The following GIN1 variants were observed in gnomAD, a reference collection of about 807,000 sequenced individuals.
GIN1 encodes the protein gypsy retrotransposon integrase-like protein 1.
A neutral mutation model predicts 51.4 loss-of-function variants in GIN1; 41 were observed. The observed-to-expected ratio is 0.80, with a 90% CI of 0.62 to 1.04. GIN1 has a LOEUF of 1.04. Among genes scored for constraint, GIN1 ranks in the 50% least tolerant of loss-of-function variants. GIN1 has a pLI of 0.00. For missense variants in GIN1, 610 were observed against 612.4 expected (o/e 1.00, Z 0.04); for synonymous variants, 222 against 206.5 (o/e 1.07, Z -0.64).
At chr5:103,095,126 T>C (rs1787356103) in intron 7 of GIN1, among the ~76,000 whole-genome samples, 1 of 152,236 alleles carries the variant, frequency 6.6e-6, no homozygotes, top group Non-Finnish European at 1.5e-5. Flanking sequence ...AAGCCTGTCA[T>C]ATAACTTGTT....
chr5:103,099,169 G>T (rs1209591942), intron 4 of GIN1, among the ~76,000 whole-genome samples: 5 of 152,114 alleles, frequency 3.3e-5, no homozygotes, highest in African/African-American at 1.2e-4. Flanking sequence ...CTTGCAGGTA[G>T]GGGTGGTCAT....
intron 6 of GIN1, 56 bp from the exon 7 acceptor site, chr5:103,096,882 G>A: frequency 9.2e-7 from 1 of 1,092,336 alleles, no homozygotes; most frequent in South Asian, 1.4e-5. Flanking sequence ...ATATCTTGAA[G>A]GTAAATGCAA....
chr5:103,119,753 C>A (rs1330917718), intron 1 of GIN1, among the ~76,000 whole-genome samples: 1 of 152,130 alleles, frequency 6.6e-6, no homozygotes, highest in Non-Finnish European at 1.5e-5. Flanking sequence ...GACTCGTTAA[C>A]GGAATCTTAA....
intron 2 of GIN1, among the ~76,000 whole-genome samples, chr5:103,108,085 G>A (rs568019811): frequency 2.6e-5 from 4 of 152,170 alleles, no homozygotes; most frequent in African/African-American, 9.6e-5. Context: ...GAAGATCCAA[G>A]GGTCCTAAAA....
intron 1 of GIN1, among the ~76,000 whole-genome samples, chr5:103,112,968 G>T (rs1185672787): frequency 2.6e-5 from 4 of 152,078 alleles, no homozygotes; most frequent in Non-Finnish European, 4.4e-5. Context: ...TGTTTTAACA[G>T]ATGTATGCAA....
In GIN1 at chr5:103,096,676, A is replaced by G; in HGVS notation, c.1159T>C (p.Trp387Arg). Residue 387 changes from tryptophan to arginine, a missense_variant, in exon 7 of 8, where the codon TGG (tryptophan) becomes CGG (arginine). By Grantham distance (101) the Trp-to-Arg change is moderately radical. Transcript: ENST00000399004. ...TAGTCTATGACACAAGGACCAACCC[A>G]TTCAGACTGAAAACGACCATCCTTC... ...WWKDGRFQSE[W>R]VGPCVIDYIT... is the part of the protein sequence containing the mutation. 1.2e-6 allele frequency: 2 copies of G among 1,614,144 alleles called. No individual in the cohort carries two copies. Among genetic ancestry groups the G allele is most frequent in the Non-Finnish European group, 1.7e-6 (2 of 1,179,988 alleles).
chr5:103,096,608 C>G lies in GIN1; in HGVS notation c.1227G>C (p.Gly409=). The change falls in exon 7 of 8, where the codon GGG becomes GGC. Residue 409 remains glycine (G), a synonymous_variant. Transcript: ENST00000399004. ...TTTTGATAGGTCTTTTCAGTCTAACCCCAGTGTTGTCTCTCAGGACAGCAC... is the reference window on the plus strand; with the variant it reads ...TTTTGATAGGTCTTTTCAGTCTAACGCCAGTGTTGTCTCTCAGGACAGCAC... ...SGCAVLRDNT[G]VRLKRPIKMS... 6.2e-7 allele frequency: 1 copy of G among 1,613,316 alleles called. No homozygotes were observed. The highest frequency in any genetic ancestry group is 8.5e-7 in the Non-Finnish European group (1 of 1,179,298).
intron 4 of GIN1, among the ~76,000 whole-genome samples, chr5:103,098,109 C>T (rs1223896231): frequency 6.6e-6 from 1 of 152,206 alleles, no homozygotes; most frequent in African/African-American, 2.4e-5. Flanking sequence ...TCTTGAACTC[C>T]TGACCTTGTG....
intron 7 of GIN1, among the ~76,000 whole-genome samples, chr5:103,092,375 T>C (rs182754897): frequency 1.3e-5 from 2 of 152,082 alleles, no homozygotes; most frequent in Admixed American, 1.3e-4. Context: ...GAAAAATAAA[T>C]ACAAATTACA....
rs919250837 is a variant in GIN1, at chr5:103,104,571, T to C, written c.609A>G (p.Ile203Met). 25 of 1,541,980 alleles carry C rather than the reference T, an allele frequency of 1.6e-5. No individual in the cohort carries two copies. The highest frequency in any genetic ancestry group is 2.1e-5 in the Non-Finnish European group (24 of 1,116,814). Reference protein sequence around the residue: ...FFLYGPPQKIIMDQRDEFIQQ... With the variant: ...FFLYGPPQKIMMDQRDEFIQQ... Reference sequence around the variant, plus strand: ...GAATGAATTCATCTCTTTGGTCCATTATTATTTTCTGAGGAGGTCCATATA... The same window carrying C: ...GAATGAATTCATCTCTTTGGTCCATCATTATTTTCTGAGGAGGTCCATATA... Residue 203 changes from isoleucine (I) to methionine (M), a missense_variant, in exon 4 of 8, where the codon ATA (isoleucine) becomes ATG (methionine). Ile to Met is a conservative substitution (Grantham distance 10). Coordinates refer to ENST00000399004, the MANE Select transcript of GIN1 (RefSeq NM_017676.2).
chr5:103,114,650 A>G (rs1412041148), intron 1 of GIN1, among the ~76,000 whole-genome samples: 1 of 152,188 alleles, frequency 6.6e-6, no homozygotes, highest in African/African-American at 2.4e-5. Flanking sequence ...ATCCTTTCTG[A>G]CCACATCCCC....
At chr5:103,097,129 T>G (rs1787420856) in intron 6 of GIN1, among the ~76,000 whole-genome samples, 185 bp downstream of exon 6, 1 of 152,226 alleles carries the variant, frequency 6.6e-6, no homozygotes, top group Non-Finnish European at 1.5e-5. Context: ...CATTATTGCC[T>G]CTCAGCATTT....
At chr5:103,101,910 T>C (rs1479527933) in intron 4 of GIN1, among the ~76,000 whole-genome samples, 2 of 152,226 alleles carry the variant, frequency 1.3e-5, no homozygotes, top group African/African-American at 2.4e-5. Context: ...CGTACTCCAT[T>C]GCTCAGACCA....
chr5:103,111,542 A>G (rs186587976), intron 1 of GIN1, among the ~76,000 whole-genome samples: 8 of 152,252 alleles, frequency 5.3e-5, no homozygotes, highest in Admixed American at 2.0e-4. Context: ...AGACCAGTAA[A>G]GGTTGCAAAA....
intron 2 of GIN1, among the ~76,000 whole-genome samples, 181 bp downstream of exon 2, chr5:103,108,388 T>G (rs1240147797): frequency 2.0e-5 from 3 of 152,090 alleles, no homozygotes; most frequent in South Asian, 2.1e-4. Flanking sequence ...CTTTTCACGC[T>G]TATTGGCCTT....
chr5:103,091,391 AAGAATATGATT>A (rs1787233974), intron 7 of GIN1, among the ~76,000 whole-genome samples: 1 of 152,226 alleles, frequency 6.6e-6, no homozygotes, highest in Non-Finnish European at 1.5e-5. Context: ...GGATACAGAA[AAGAATATGATT>A]AAACTTTCTG....
In GIN1 at chr5:103,113,583, A is replaced by G. The variant is rs947209602; in HGVS notation, c.-7-4869T>C. 1.2e-4 allele frequency among the ~76,000 whole-genome samples: 18 copies of G among 147,396 alleles called. No homozygotes were observed. The Admixed American group carries it at 1.2e-3, about 10-fold the overall frequency. Reference sequence around the variant, plus strand: ...GTCGCCCAGGCTGGAGTGCAGTGGCATGATCTCAGCTTACTGCAACCTCTG... The same window carrying G: ...GTCGCCCAGGCTGGAGTGCAGTGGCGTGATCTCAGCTTACTGCAACCTCTG... On this transcript the variant is annotated intron_variant, in intron 1 of 7. Coordinates refer to ENST00000399004, the MANE Select transcript of GIN1 (RefSeq NM_017676.2).
At chr5:103,097,932 G>T (rs1364469978) in intron 4 of GIN1, 151 bp from the exon 5 acceptor site, 2 of 542,506 alleles carry the variant, frequency 3.7e-6, no homozygotes, top group Non-Finnish European at 6.4e-6. Context: ...ACCCAGGCTG[G>T]AGTGCAGTGG....
rs782588762 is a variant in GIN1, at chr5:103,097,453, C to A, written c.869G>T (p.Ser290Ile). ...AGTCTCAGGCATATAAGGATTTCGA[C>A]TAAACATTTGAAAATATGGTGTATT... ...TKNTPYFQMF[S>I]RNPYMPETSD... is the part of the protein sequence containing the mutation. Residue 290 changes from serine (S) to isoleucine (I), a missense_variant, in exon 6 of 8, where the codon AGT becomes ATT. Transcript: ENST00000399004. The A allele has an allele frequency of 6.3e-6, 10 of 1,575,968 alleles. No homozygotes were observed. Among genetic ancestry groups the A allele is most frequent in the Non-Finnish European group, 8.7e-6 (10 of 1,149,308 alleles).
Sources: allele counts gnomAD v4.1 joint callset (sites outside exome capture counted in the v4.1 genomes callset), GRCh38; gene constraint gnomAD v4.1.1; transcripts MANE v1.5; gene names NCBI Gene and HGNC (gene_info 2026-07-23, HGNC 2026-07-21).